The following DNAH12 variants were observed in gnomAD, a reference collection of about 807,000 sequenced individuals.
DNAH12 encodes axonemal beta dynein heavy chain 12.
DNAH12 carries 285 observed loss-of-function variants against 371.5 expected under a neutral mutation model. That is an observed-to-expected ratio of 0.77 (90% CI 0.70 to 0.85). The LOEUF (loss-of-function observed/expected upper bound fraction) is 0.85. Ranked by LOEUF, DNAH12 falls within the 40% of genes least tolerant of loss-of-function variation. DNAH12 has a pLI of 0.00. For missense variants in DNAH12, 3,611 were observed against 3,689.4 expected (o/e 0.98, Z 0.55); for synonymous variants, 1,200 against 1,213.0 (o/e 0.99, Z 0.22).
At chr3:57,316,952 C>T (rs895760083) in intron 65 of DNAH12, among the ~76,000 whole-genome samples, 15 of 152,172 alleles carry the variant, frequency 9.9e-5, no homozygotes, top group Non-Finnish European at 2.2e-4. Context: ...CGGACTAATT[C>T]AATGACCTCA....
In DNAH12 at chr3:57,305,040, C is replaced by T. The variant is rs1020352993; in HGVS notation, c.11190-3101G>A. Among the ~76,000 whole-genome samples, 8 of 152,244 alleles carry T rather than the reference C, an allele frequency of 5.3e-5. No homozygotes were observed. The East Asian group carries it at 1.5e-3, about 29-fold the overall frequency. On this transcript the variant is annotated intron_variant, in intron 69 of 73. Transcript: ENST00000495027. ...AACCTAAATGCCTCATTTTCTTCTGCAATGCCGCTTGACCCCAATACAAAC... is the reference window on the plus strand; with the variant it reads ...AACCTAAATGCCTCATTTTCTTCTGTAATGCCGCTTGACCCCAATACAAAC...
chr3:57,411,043 C>T (rs927770583), intron 39 of DNAH12, among the ~76,000 whole-genome samples: 7 of 151,762 alleles, frequency 4.6e-5, no homozygotes, highest in Admixed American at 1.3e-4. Flanking sequence ...AAAGGTATAC[C>T]GACTGGGAAG....
chr3:57,527,099 GTCT>G (rs1260599607), intron 2 of DNAH12, among the ~76,000 whole-genome samples: 1 of 152,170 alleles, frequency 6.6e-6, no homozygotes, highest in Non-Finnish European at 1.5e-5. Flanking sequence ...CTATTTTCAT[GTCT>G]TCTTTTGAGA....
chr3:57,293,850 T>TAA lies in DNAH12; in HGVS notation c.11812_11813dup (p.Leu3938PhefsTer2). The TAA allele has an allele frequency of 6.4e-7, 1 of 1,551,062 alleles. No individual in the cohort carries two copies. The highest frequency in any genetic ancestry group is 8.7e-7 in the Non-Finnish European group (1 of 1,146,744). ...AGTGCCGAGTAGGTTGGTCTGTTTT[T>TAA]AACAACATTGCAATGACAAAGTTAG... is the stretch of plus-strand genomic sequence containing the variant. On this transcript the variant is annotated frameshift_variant, in exon 74 of 74. Transcript: ENST00000495027. LOFTEE classifies it high-confidence loss of function.
rs551854715 is a variant in DNAH12 at position 57,492,775 on chromosome 3, G to A, written c.1336-3088C>T. 3.3e-5 allele frequency among the ~76,000 whole-genome samples: 5 copies of A among 152,216 alleles called. No individual in the cohort carries two copies. The East Asian group carries it at 5.8e-4, about 18-fold the overall frequency. The stretch of plus-strand genomic sequence containing the variant: ...TGTAATCCCAGCATTTTGGGAGGCC[G>A]AAGCAGGTGGATCATGATCAGGAGA... On this transcript the variant is annotated intron_variant, in intron 11 of 73. Coordinates refer to ENST00000495027, the MANE Select transcript of DNAH12 (RefSeq NM_001366028.2).
intron 44 of DNAH12, among the ~76,000 whole-genome samples, chr3:57,392,425 C>G (rs1476496500): frequency 6.6e-6 from 1 of 152,020 alleles, no homozygotes; most frequent in Admixed American, 6.6e-5. Flanking sequence ...CACATATTAG[C>G]ATTTTATACA....
chr3:57,475,475 T>C (rs1013984640), intron 13 of DNAH12, among the ~76,000 whole-genome samples: 2 of 152,148 alleles, frequency 1.3e-5, no homozygotes, highest in Non-Finnish European at 1.5e-5. Context: ...ACAGAGTGAA[T>C]AAAAAGATAC....
chr3:57,448,032 T>C (rs1322036475), intron 25 of DNAH12, among the ~76,000 whole-genome samples: 1 of 152,198 alleles, frequency 6.6e-6, no homozygotes, highest in Non-Finnish European at 1.5e-5. Context: ...ACTTGATTGC[T>C]GAAAACCTCG....
At chr3:57,495,809 T>G (rs1232492285) in intron 11 of DNAH12, among the ~76,000 whole-genome samples, 7 of 143,802 alleles carry the variant, frequency 4.9e-5, no homozygotes, top group Non-Finnish European at 7.6e-5. Flanking sequence ...AATCCTTGAT[T>G]TTATATATAT....
intron 39 of DNAH12, among the ~76,000 whole-genome samples, chr3:57,412,702 A>G (rs2064244272): frequency 6.6e-6 from 1 of 152,184 alleles, no homozygotes. Flanking sequence ...TTCTTACCGT[A>G]TGTCATCAGG....
intron 11 of DNAH12, chr3:57,498,521 C>T (rs768289784): frequency 1.3e-5 from 9 of 716,512 alleles, no homozygotes; most frequent in South Asian, 8.9e-5. Context: ...CTTCCCATAC[C>T]ACCCAGCAAT....
At chr3:57,304,374 G>A (rs1049694896) in intron 69 of DNAH12, among the ~76,000 whole-genome samples, 3 of 152,112 alleles carry the variant, frequency 2.0e-5, no homozygotes, top group African/African-American at 4.8e-5. Flanking sequence ...TCCTCAGACC[G>A]ACCAGCCCAA....
rs1273455318 is a variant in DNAH12 at position 57,504,018 on chromosome 3, G to T, written c.1084C>A (p.Gln362Lys). 6.2e-7 allele frequency: 1 copy of T among 1,611,236 alleles called. No homozygotes were observed. The highest frequency in any genetic ancestry group is 8.5e-7 in the Non-Finnish European group (1 of 1,178,108). The change falls in exon 9 of 74, where the codon CAG becomes AAG. Residue 362 changes from glutamine to lysine, a missense_variant and splice_region_variant. By Grantham distance (53) the Gln-to-Lys change is moderately conservative (BLOSUM62 1). Around this residue, in one of 3 missense-constraint regions of DNAH12, gnomAD observed 1,314 missense variants for 1,398.7 expected, o/e 0.94. Coordinates refer to ENST00000495027, the MANE Select transcript of DNAH12 (RefSeq NM_001366028.2). ...SLVERIAEALQNVQTIPSWLS... is the reference protein window; with the variant it reads ...SLVERIAEALKNVQTIPSWLS... ...CCCGATGGGTAAAGATGTAATACCT[G>T]CAGAGCTTCGGCTATTCGTTCCACC...
At chr3:57,383,266 A>G (rs2063433285) in intron 49 of DNAH12, among the ~76,000 whole-genome samples, 1 of 152,142 alleles carries the variant, frequency 6.6e-6, no homozygotes, top group Admixed American at 6.6e-5. Flanking sequence ...TACTAAAATC[A>G]ACTCTCTTCT....
intron 49 of DNAH12, among the ~76,000 whole-genome samples, chr3:57,384,511 G>A (rs2063461343): frequency 6.6e-6 from 1 of 152,012 alleles, no homozygotes; most frequent in African/African-American, 2.4e-5. Context: ...AGGCCTAGTG[G>A]TGTGTGTCTG....
chr3:57,478,953 C>T (rs889673449), intron 13 of DNAH12, among the ~76,000 whole-genome samples: 1 of 152,192 alleles, frequency 6.6e-6, no homozygotes, highest in African/African-American at 2.4e-5. Flanking sequence ...ACAATCAGTA[C>T]CAGCCACTGC....
intron 17 of DNAH12, among the ~76,000 whole-genome samples, chr3:57,464,797 A>T (rs1184805902): frequency 6.6e-6 from 1 of 152,256 alleles, no homozygotes; most frequent in Non-Finnish European, 1.5e-5. Context: ...AGTTAGCACT[A>T]TAGATTCTAC....
rs566572953 is a variant in DNAH12, at chr3:57,352,368, T to C, written c.9534-143A>G. The C allele has an allele frequency of 1.5e-4, 127 of 863,898 alleles. No homozygotes were observed. In the African/African-American group the frequency reaches 2.0e-3, roughly 14 times the overall value. 53.5% of individuals were successfully genotyped at this position (863,898 alleles called of 1,614,324 possible). A position where few individuals can be genotyped will look rare whatever the true frequency, so the allele number is the denominator to read the frequency against. ...ATACACACACGAGGGCATGTAAAAC[T>C]GGTGAAATCTGAATAAGCTCTATGG... On this transcript the variant is annotated intron_variant, in intron 59 of 73. Coordinates refer to ENST00000495027, the MANE Select transcript of DNAH12 (RefSeq NM_001366028.2).
intron 8 of DNAH12, among the ~76,000 whole-genome samples, chr3:57,506,634 G>T (rs1449926218): frequency 6.6e-6 from 1 of 152,002 alleles, no homozygotes; most frequent in East Asian, 1.9e-4. Context: ...TAGAGAGGAG[G>T]TTTTGCCATG....
Sources: allele counts gnomAD v4.1 joint callset (sites outside exome capture counted in the v4.1 genomes callset), GRCh38; gene constraint gnomAD v4.1.1; regional missense constraint gnomAD v4.1.1; transcripts MANE v1.5; gene names NCBI Gene and HGNC (gene_info 2026-07-23, HGNC 2026-07-21).